SATL1: variants seen among roughly 807,000 people sequenced by gnomAD.
SATL1 encodes the protein spermidine/spermine N(1)-acetyltransferase-like protein 1.
SATL1 carries 47 observed loss-of-function variants against 51.8 expected under a neutral mutation model. The ratio of observed to expected loss-of-function variants is 0.91; its 90% confidence interval spans 0.72 to 1.16. The LOEUF (loss-of-function observed/expected upper bound fraction) is 1.16. Ranked by LOEUF, SATL1 falls within the 50% of genes most tolerant of loss-of-function variation. The pLI, the probability that SATL1 is intolerant of heterozygous loss-of-function variation, is 0.00. For synonymous variants in SATL1, 176 were observed against 182.4 expected (o/e 0.97, Z 0.28); for missense variants, 520 against 526.4 (o/e 0.99, Z 0.12).
At chrX:85,176,486 A>AATC (rs1368078447) in intron 2 of SATL1, among the ~76,000 whole-genome samples, 1 of 111,615 alleles carries the variant, frequency 9.0e-6, no homozygotes, top group Non-Finnish European at 1.9e-5. Flanking sequence ...TGGTTAAATA[A>AATC]ATCTATCGTA....
intron 2 of SATL1, among the ~76,000 whole-genome samples, chrX:85,134,146 T>A (rs1488474645): frequency 9.1e-6 from 1 of 109,719 alleles, no homozygotes; most frequent in East Asian, 2.8e-4. Flanking sequence ...CAAATATATA[T>A]GTATGTGTGT....
chrX:85,147,851 G>C (rs975550149), intron 2 of SATL1, among the ~76,000 whole-genome samples: 1 of 111,304 alleles, frequency 9.0e-6, no homozygotes, highest in Non-Finnish European at 1.9e-5. Context: ...ACCAAAAGTA[G>C]ATTAAAACCA....
chrX:85,219,801 C>T (rs1303840440), intron 2 of SATL1: 3 of 109,862 alleles, frequency 2.7e-5, no homozygotes, highest in African/African-American at 9.9e-5. Flanking sequence ...TCCTTTATCC[C>T]TCCTTTATTT....
At chrX:85,185,973 G>A (rs903915708) in intron 2 of SATL1, among the ~76,000 whole-genome samples, 20 of 110,677 alleles carry the variant, frequency 1.8e-4, no homozygotes, top group African/African-American at 6.6e-4. Flanking sequence ...CTCACCCAAG[G>A]CCCACGGCGA....
At chrX:85,205,848 A>C (rs1927781809) in intron 2 of SATL1, among the ~76,000 whole-genome samples, 1 of 111,866 alleles carries the variant, frequency 8.9e-6, no homozygotes. Context: ...CCAGAATCTG[A>C]TAGAAGTCTA....
At chrX:85,118,087 C>CTTGTTTTTTTTTTTTTTTTTTTTT (rs1925420952) in intron 2 of SATL1, among the ~76,000 whole-genome samples, 1 of 46,170 alleles carries the variant, frequency 2.2e-5, no homozygotes, top group African/African-American at 5.9e-5. Flanking sequence ...AAGAACTTAG[C>CTTGTTTTTTTTTTTTTTTTTTTTT]TTTTTTTTTT....
intron 4 of SATL1, among the ~76,000 whole-genome samples, chrX:85,101,161 CA>C (rs1167925752): frequency 8.9e-6 from 1 of 111,961 alleles, no homozygotes; most frequent in Non-Finnish European, 1.9e-5. Flanking sequence ...GATATAACAC[CA>C]AAAGCACAAG....
At chrX:85,122,586 G>A (rs898278121) in intron 2 of SATL1, among the ~76,000 whole-genome samples, 1 of 110,624 alleles carries the variant, frequency 9.0e-6, no homozygotes, top group Non-Finnish European at 1.9e-5. Context: ...GTAAGCACTC[G>A]ATTCATATTG....
intron 2 of SATL1, among the ~76,000 whole-genome samples, chrX:85,165,980 A>C (rs73234603): frequency 0.11 from 12,089 of 111,039 alleles, 568 homozygotes; most frequent in South Asian, 0.17. Context: ...CCAAATACCT[A>C]TAGCCAACGG....
chrX:85,106,917 G>A (rs1296742829), intron 3 of SATL1, among the ~76,000 whole-genome samples: 4 of 111,230 alleles, frequency 3.6e-5, no homozygotes, highest in Admixed American at 1.9e-4. Context: ...CAAAATCCTA[G>A]CCACTAAAAT....
chrX:85,230,518 A>C (rs1398063347), intron 1 of SATL1, among the ~76,000 whole-genome samples: 1 of 112,226 alleles, frequency 8.9e-6, no homozygotes, highest in African/African-American at 3.2e-5. Context: ...TATTTCTTGG[A>C]TATGAGACAA....
At chrX:85,181,569 C>T (rs900177806) in intron 2 of SATL1, among the ~76,000 whole-genome samples, 6 of 110,330 alleles carry the variant, frequency 5.4e-5, no homozygotes, top group African/African-American at 1.6e-4. Context: ...GTCACCAGTC[C>T]CTCTCCTTTA....
chrX:85,220,137 C>T (rs1244144807), intron 2 of SATL1, among the ~76,000 whole-genome samples: 1 of 110,503 alleles, frequency 9.0e-6, no homozygotes, highest in Non-Finnish European at 1.9e-5. Context: ...AAACTCAGTG[C>T]TGTCCTGTTA....
intron 2 of SATL1, chrX:85,143,441 G>T (rs897816532): frequency 5.4e-5 from 6 of 111,320 alleles, no homozygotes; most frequent in African/African-American, 2.0e-4. Context: ...TGGATCGCTT[G>T]TTTATACTGT....
chrX:85,213,576 G>A (rs948090768), intron 2 of SATL1, among the ~76,000 whole-genome samples: 8 of 111,325 alleles, frequency 7.2e-5, no homozygotes, highest in African/African-American at 2.3e-4. Flanking sequence ...GACATTTTTG[G>A]TTGACCGCAT....
chrX:85,241,061 C>T (rs756047583), intron 1 of SATL1, among the ~76,000 whole-genome samples: 9 of 110,665 alleles, frequency 8.1e-5, no homozygotes, highest in Admixed American at 3.8e-4. Flanking sequence ...GTACCTTTTA[C>T]GTGGGATAGT....
Position 85,107,751 on chromosome X carries a change from TGTGCCTGATTGGCTG to T in SATL1, c.1203_1217del (p.Ser404_Gln408del), listed in dbSNP as rs1169216743. On this transcript the variant is annotated inframe_deletion, in exon 3 of 8. Transcript: ENST00000644105. Reference sequence around the variant, plus strand: ...CTGGTTGGCTCATGCCTATTTGGCTTGTGCCTGATTGGCTGGTGCCTACTTGTCTCATGCTTGGTT... The same window carrying T: ...CTGGTTGGCTCATGCCTATTTGGCTTGTGCCTACTTGTCTCATGCTTGGTT... The T allele has an allele frequency of 3.0e-5, 36 of 1,210,365 alleles. No homozygotes were observed. Among genetic ancestry groups the T allele is most frequent in the Non-Finnish European group, 3.9e-5 (35 of 895,303 alleles).
intron 2 of SATL1, among the ~76,000 whole-genome samples, chrX:85,176,311 A>G (rs995164352): frequency 1.2e-4 from 13 of 111,936 alleles, no homozygotes; most frequent in African/African-American, 4.2e-4. Context: ...CAGTATGGCA[A>G]TTACAAATGC....
At chrX:85,126,855 C>T (rs1263184421) in intron 2 of SATL1, among the ~76,000 whole-genome samples, 1 of 107,922 alleles carries the variant, frequency 9.3e-6, no homozygotes, top group East Asian at 2.9e-4. Context: ...CCACCACACC[C>T]CTCCCACCCC....
Sources: allele counts gnomAD v4.1 joint callset (sites outside exome capture counted in the v4.1 genomes callset), GRCh38; gene constraint gnomAD v4.1.1; transcripts MANE v1.5; gene names NCBI Gene and HGNC (gene_info 2026-07-23, HGNC 2026-07-21).